Variants in TPCN2 observed in about 807,000 individuals in gnomAD.
TPCN2 encodes two pore segment channel 2.
TPCN2 carries 92 observed loss-of-function variants against 111.4 expected under a neutral mutation model. The ratio of observed to expected loss-of-function variants is 0.83; its 90% CI spans 0.70 to 0.98. The LOEUF (loss-of-function observed/expected upper bound fraction) is 0.98, where lower values mean the gene tolerates loss of function less well. Among genes scored for constraint, TPCN2 ranks in the 50% least tolerant of loss-of-function variants. The pLI, the probability that TPCN2 is intolerant of heterozygous loss-of-function variation, is 0.00. For missense variants in TPCN2, 995 were observed against 980.1 expected (o/e 1.02, Z -0.20); for synonymous variants, 405 against 414.5 (o/e 0.98, Z 0.28).
intron 2 of TPCN2, 44 bp from the exon 3 acceptor site, chr11:69,054,677 C>T (rs1230261072): frequency 6.3e-7 from 1 of 1,580,492 alleles, no homozygotes; most frequent in Non-Finnish European, 8.7e-7. Flanking sequence ...ACGGCCCACC[C>T]TGCATGCACC....
At chr11:69,050,525 C>A in intron 1 of TPCN2, among the ~76,000 whole-genome samples, 1 of 152,140 alleles carries the variant, frequency 6.6e-6, no homozygotes, top group Non-Finnish European at 1.5e-5. Context: ...CTGCAGGCGC[C>A]CGCCACCACA....
Position 69,087,112 on chromosome 11 carries a change from A to G in TPCN2, c.2086A>G (p.Asn696Asp), listed in dbSNP as rs1273085150. 8.1e-6 allele frequency: 13 copies of G among 1,613,558 alleles called. No individual in the cohort carries two copies. The highest frequency in any genetic ancestry group is 9.3e-6 in the Non-Finnish European group (11 of 1,179,754). Residue 696 changes from asparagine to aspartate, a missense_variant and splice_region_variant, in exon 24 of 25, where the codon AAC (asparagine) becomes GAC (aspartate). Physicochemically the swap from Asn to Asp is conservative, Grantham distance 23. Coordinates refer to ENST00000294309, the MANE Select transcript of TPCN2 (RefSeq NM_139075.4). ...VNLFLALILE[N>D]FLHKWDPRSH... ...ACTGGCCACTCCTCCTGCTTGCCAG[A>G]ACTTCCTTCACAAGTGGGACCCCCG...
intron 13 of TPCN2, among the ~76,000 whole-genome samples, chr11:69,077,403 G>A (rs1171364553): frequency 6.6e-6 from 1 of 150,722 alleles, no homozygotes; most frequent in Non-Finnish European, 1.5e-5. Flanking sequence ...TGTCCCTCCA[G>A]CCCCTCCGCT....
Position 69,071,352 on chromosome 11 carries a change from G to T in TPCN2, c.896-4G>T, listed in dbSNP as rs1358154831. The T allele has an allele frequency of 6.2e-7, 1 of 1,613,604 alleles. No individual in the cohort carries two copies. Among genetic ancestry groups the T allele is most frequent in the Non-Finnish European group, 8.5e-7 (1 of 1,179,766 alleles). The stretch of plus-strand genomic sequence containing the variant: ...CCCCTGACCGTGGCTGTCTCCTCTT[G>T]AAGGAAGCCTGTTTCTGATGAACCT... On this transcript the variant is annotated splice_region_variant and splice_polypyrimidine_tract_variant and intron_variant, in intron 9 of 24. Coordinates refer to ENST00000294309, the MANE Select transcript of TPCN2 (RefSeq NM_139075.4).
At position 69,061,971 on chromosome 11, in the gene TPCN2, C is replaced by T. The variant is rs138959709; in HGVS notation, c.547-913C>T. Among the ~76,000 whole-genome samples the T allele has an allele frequency of 5.3e-5, 8 of 151,780 alleles. No individual in the cohort carries two copies. The East Asian group carries it at 7.8e-4, about 15-fold the overall frequency. On this transcript the variant is annotated intron_variant, in intron 5 of 24. Transcript: ENST00000294309. ...TGAGTGTGTGTGTGAGTCTGTTTTG[C>T]GTGTCCATAAAGCAAGACCTGAGGC... is the stretch of plus-strand genomic sequence containing the variant.
chr11:69,085,375 A>G (rs548965998), intron 20 of TPCN2, 89 bp downstream of exon 20: 5 of 1,295,756 alleles, frequency 3.9e-6, no homozygotes, highest in Admixed American at 3.4e-5. Context: ...TGGGCTCAGC[A>G]TCTCAGGATG....
chr11:69,080,475 A>G (rs1467995544), intron 17 of TPCN2, among the ~76,000 whole-genome samples: 1 of 152,208 alleles, frequency 6.6e-6, no homozygotes, highest in East Asian at 1.9e-4. Flanking sequence ...GTGGCACCAC[A>G]GGGCTGTCAG....
chr11:69,070,362 T>A, intron 8 of TPCN2, 68 bp from the exon 9 acceptor site: 1 of 1,264,186 alleles, frequency 7.9e-7, no homozygotes, highest in South Asian at 1.2e-5. Context: ...GCAAATAGTG[T>A]AGCGTCAGGA....
intron 13 of TPCN2, among the ~76,000 whole-genome samples, chr11:69,074,610 G>C (rs1251609360): frequency 6.6e-6 from 1 of 152,178 alleles, no homozygotes; most frequent in African/African-American, 2.4e-5. Context: ...TCGTAGGCTA[G>C]GTTTGCTGTG....
intron 5 of TPCN2, among the ~76,000 whole-genome samples, chr11:69,058,226 C>G (rs568521088): frequency 6.6e-6 from 1 of 152,296 alleles, no homozygotes; most frequent in East Asian, 1.9e-4. Context: ...CAGCAGAATC[C>G]ACTGGGGTCT....
intron 4 of TPCN2, 47 bp downstream of exon 4, chr11:69,055,399 G>T (rs756697476): frequency 5.3e-6 from 8 of 1,517,494 alleles, no homozygotes; most frequent in South Asian, 1.2e-5. Context: ...GCCTCCCAGC[G>T]CCTGGCCGCT....
At chr11:69,079,126 A>G (rs1198723491) in intron 16 of TPCN2, 106 bp downstream of exon 16, 4 of 1,421,110 alleles carry the variant, frequency 2.8e-6, no homozygotes, top group Admixed American at 4.6e-5. Flanking sequence ...TAGAGGCTGT[A>G]GGAAGGTGGG....
At chr11:69,064,001 G>T in intron 7 of TPCN2, 34 bp downstream of exon 7, 1 of 1,596,914 alleles carries the variant, frequency 6.3e-7, no homozygotes, top group South Asian at 1.1e-5. Context: ...TGGGAATGGG[G>T]CTGCCCTGTG....
intron 17 of TPCN2, among the ~76,000 whole-genome samples, chr11:69,081,098 G>A (rs966652558): frequency 1.3e-5 from 2 of 152,064 alleles, no homozygotes; most frequent in Non-Finnish European, 1.5e-5. Context: ...ATGCCCTCCC[G>A]TGTGGACAGA....
intron 1 of TPCN2, among the ~76,000 whole-genome samples, chr11:69,051,169 C>T (rs962475053): frequency 6.6e-6 from 1 of 152,230 alleles, no homozygotes; most frequent in African/African-American, 2.4e-5. Flanking sequence ...CTGTGGGTGC[C>T]CCAAGGACCC....
chr11:69,064,310 C>T (rs1251119285), intron 7 of TPCN2, among the ~76,000 whole-genome samples: 17 of 149,300 alleles, frequency 1.1e-4, no homozygotes, highest in East Asian at 2.0e-4. Context: ...CGCCCCTCCC[C>T]GCCCTTCCCC....
At chr11:69,053,826 T>C (rs117606434) in intron 1 of TPCN2, among the ~76,000 whole-genome samples, 2,432 of 152,322 alleles carry the variant, frequency 0.016, 31 homozygotes, top group Non-Finnish European at 0.024. Flanking sequence ...GCCCTGGGCC[T>C]GGCCTGTGCA....
chr11:69,072,818 A>G (rs1333056133), intron 12 of TPCN2, 97 bp from the exon 13 acceptor site: 5 of 1,527,678 alleles, frequency 3.3e-6, no homozygotes, highest in Non-Finnish European at 4.5e-6. Context: ...TGCAGCATTC[A>G]CAGCCCGTCA....
chr11:69,084,365 C>T (rs1856180004), intron 19 of TPCN2, among the ~76,000 whole-genome samples: 1 of 152,220 alleles, frequency 6.6e-6, no homozygotes, highest in Non-Finnish European at 1.5e-5. Flanking sequence ...CAGGGCTTTG[C>T]TCCAGGGACC....
Sources: gnomAD v4.1 joint callset for allele counts (sites outside exome capture counted in the v4.1 genomes callset) on GRCh38, gnomAD v4.1.1 for gene constraint, MANE v1.5 for transcripts, NCBI Gene and HGNC (gene_info 2026-07-23, HGNC 2026-07-21) for gene names.